Variants in RHAG observed in about 807,000 individuals in gnomAD.
RHAG encodes ammonium transporter Rh type A.
Under a neutral mutation model 42.4 loss-of-function variants are expected in RHAG, and 25 were observed. The observed-to-expected ratio is 0.59, with a 90% CI of 0.43 to 0.82. The LOEUF (loss-of-function observed/expected upper bound fraction) is 0.82, where lower values mean the gene tolerates loss of function less well. Among genes scored for constraint, RHAG ranks in the 40% least tolerant of loss-of-function variants. The pLI, the probability that RHAG is intolerant of heterozygous loss-of-function variation, is 0.00. For missense variants in RHAG, 483 were observed against 504.6 expected, an observed-to-expected ratio of 0.96 and a Z score of 0.41; for synonymous variants, 182 against 177.7, an observed-to-expected ratio of 1.02 and a Z score of -0.19.
At chr6:49,610,990 C>T in intron 7 of RHAG, 34 bp downstream of exon 7, 1 of 1,613,168 alleles carries the variant, frequency 6.2e-7, no homozygotes, top group Non-Finnish European at 8.5e-7. Context: ...CATCATGGGA[C>T]CACAGGGGCT....
chr6:49,630,098 C>T (rs1364598096), intron 1 of RHAG, among the ~76,000 whole-genome samples: 2 of 152,326 alleles, frequency 1.3e-5, no homozygotes, highest in Admixed American at 1.3e-4. Context: ...ACTGCCAGCA[C>T]GCTGTCACCT....
intron 3 of RHAG, among the ~76,000 whole-genome samples, chr6:49,617,593 A>C (rs991969395): frequency 6.6e-6 from 1 of 152,150 alleles, no homozygotes; most frequent in African/African-American, 2.4e-5. Context: ...AATGTTCTTT[A>C]TTTATTTATT....
intron 1 of RHAG, among the ~76,000 whole-genome samples, chr6:49,626,439 G>A (rs1353364686): frequency 1.3e-5 from 2 of 152,212 alleles, no homozygotes; most frequent in Non-Finnish European, 2.9e-5. Context: ...TTGCTTCCAT[G>A]TCTCACATCC....
intron 1 of RHAG, among the ~76,000 whole-genome samples, chr6:49,635,789 T>C (rs1272212071): frequency 6.6e-6 from 1 of 152,176 alleles, no homozygotes; most frequent in Non-Finnish European, 1.5e-5. Flanking sequence ...AAATTGTTTT[T>C]TAAAAAGCTT....
intron 5 of RHAG, among the ~76,000 whole-genome samples, chr6:49,613,961 T>C (rs748057038): frequency 6.6e-6 from 1 of 152,212 alleles, no homozygotes; most frequent in Non-Finnish European, 1.5e-5. Flanking sequence ...TTGAGAGGAA[T>C]GTTTGCAGTT....
intron 7 of RHAG, among the ~76,000 whole-genome samples, chr6:49,610,050 C>T (rs1435755399): frequency 1.3e-5 from 2 of 151,564 alleles, no homozygotes; most frequent in Admixed American, 1.3e-4. Context: ...AGGAGAACAT[C>T]ACACAGCCGG....
chr6:49,605,255 A>G lies in RHAG; in HGVS notation c.*558T>C, dbSNP rs1356352604. The G allele has an allele frequency of 6.4e-6, 1 of 155,210 alleles. No homozygotes were observed. Among genetic ancestry groups the G allele is most frequent in the East Asian group, 1.9e-4 (1 of 5,300 alleles). 9.6% of individuals were successfully genotyped at this position (155,210 alleles called of 1,614,324 possible). On this transcript the variant is annotated 3_prime_UTR_variant, in exon 10 of 10. Coordinates refer to ENST00000371175, the MANE Select transcript of RHAG (RefSeq NM_000324.3). ...TCAGATAGCATTTGAGCTCGTTGCA[A>G]ATAGTCAACATGCAAAAGGAATTAA...
intron 1 of RHAG, among the ~76,000 whole-genome samples, chr6:49,636,309 C>A (rs147862506): frequency 6.6e-6 from 1 of 152,116 alleles, no homozygotes; most frequent in South Asian, 2.1e-4. Flanking sequence ...TTACCTTTGG[C>A]CCTTTCAGTG....
chr6:49,636,362 T>A (rs1438899774), intron 1 of RHAG, among the ~76,000 whole-genome samples: 5 of 152,132 alleles, frequency 3.3e-5, no homozygotes, highest in African/African-American at 1.2e-4. Context: ...GCAGAACTAG[T>A]GACCAACTGA....
At chr6:49,626,974 C>T (rs549275429) in intron 1 of RHAG, among the ~76,000 whole-genome samples, 25 of 152,336 alleles carry the variant, frequency 1.6e-4, no homozygotes, top group Middle Eastern at 3.4e-3. Flanking sequence ...AGCACCATGT[C>T]GTGAGGTTGC....
intron 1 of RHAG, among the ~76,000 whole-genome samples, chr6:49,631,410 T>G (rs1762934483): frequency 6.6e-6 from 1 of 152,218 alleles, no homozygotes; most frequent in Non-Finnish European, 1.5e-5. Flanking sequence ...AAAGAAGAGC[T>G]TCCTCCTTCT....
intron 5 of RHAG, 135 bp from the exon 6 acceptor site, chr6:49,612,669 G>T: frequency 9.4e-7 from 1 of 1,065,906 alleles, no homozygotes; most frequent in Non-Finnish European, 1.4e-6. Context: ...TTTAAAAAGA[G>T]GTTTGTTTGG....
chr6:49,635,891 A>G (rs998623304), intron 1 of RHAG, among the ~76,000 whole-genome samples: 2 of 152,130 alleles, frequency 1.3e-5, no homozygotes, highest in Non-Finnish European at 2.9e-5. Context: ...AGAAAAGCAA[A>G]TAGTCTATAT....
Position 49,613,466 on chromosome 6 carries a change from C to T in RHAG, c.808-932G>A, listed in dbSNP as rs1249611236. Among the ~76,000 whole-genome samples the T allele has an allele frequency of 2.0e-5, 3 of 152,186 alleles. No homozygotes were observed. In the East Asian group the frequency reaches 5.8e-4, roughly 29 times the overall value. On this transcript the variant is annotated intron_variant, in intron 5 of 9. Coordinates refer to ENST00000371175, the MANE Select transcript of RHAG (RefSeq NM_000324.3). ...GTCATCAGTACTTTTAAAAGAGAAACACTGAACTGTGCGATTTTTCCTTTT... is the reference window on the plus strand; with the variant it reads ...GTCATCAGTACTTTTAAAAGAGAAATACTGAACTGTGCGATTTTTCCTTTT...
At chr6:49,632,581 G>A (rs1762949616) in intron 1 of RHAG, among the ~76,000 whole-genome samples, 1 of 152,068 alleles carries the variant, frequency 6.6e-6, no homozygotes, top group Non-Finnish European at 1.5e-5. Context: ...TGGAAGACCT[G>A]TATAAGTCAG....
At chr6:49,623,329 T>C (rs1762794674) in intron 1 of RHAG, among the ~76,000 whole-genome samples, 1 of 152,166 alleles carries the variant, frequency 6.6e-6, no homozygotes, top group African/African-American at 2.4e-5. Context: ...GTGTGAAATA[T>C]ACGAATAAAA....
chr6:49,615,619 C>T lies in RHAG; in HGVS notation c.640+5G>A. Reference sequence around the variant, plus strand: ...TAAGATTCAAGCAAGTTTATCCACACTCACCAATCATTGCAAACAAGTCTG... The same window carrying T: ...TAAGATTCAAGCAAGTTTATCCACATTCACCAATCATTGCAAACAAGTCTG... On this transcript the variant is annotated splice_donor_5th_base_variant and intron_variant, in intron 4 of 9. Coordinates refer to ENST00000371175, the MANE Select transcript of RHAG (RefSeq NM_000324.3). 4 of 1,614,078 alleles carry T rather than the reference C, an allele frequency of 2.5e-6. No individual in the cohort carries two copies. The highest frequency in any genetic ancestry group is 1.1e-5 in the South Asian group (1 of 91,086).
At chr6:49,623,098 A>G (rs1487465048) in intron 1 of RHAG, among the ~76,000 whole-genome samples, 1 of 151,976 alleles carries the variant, frequency 6.6e-6, no homozygotes, top group Admixed American at 6.6e-5. Context: ...TCGGCCTCCC[A>G]AAGTGCTGGG....
rs1023243799 is a variant in RHAG, at chr6:49,607,082, C to G, written c.1138+68G>C. 4.3e-6 allele frequency: 6 copies of G among 1,395,510 alleles called. No individual in the cohort carries two copies. The South Asian group carries it at 5.8e-5, about 14-fold the overall frequency. The allele number at this position is 1,395,510 out of a possible 1,614,324, so 86.4% of individuals were successfully genotyped here. A position where few individuals can be genotyped will look rare whatever the true frequency, so the allele number is the denominator to read the frequency against. On this transcript the variant is annotated intron_variant, in intron 8 of 9. Coordinates refer to ENST00000371175, the MANE Select transcript of RHAG (RefSeq NM_000324.3). ...TTTTGAATTTAGCAATTGACTTGCT[C>G]ATTAATTATCTATTGTAAATAATCT...
Sources: gnomAD v4.1 joint callset for allele counts (sites outside exome capture counted in the v4.1 genomes callset) on GRCh38, gnomAD v4.1.1 for gene constraint, MANE v1.5 for transcripts, NCBI Gene and HGNC (gene_info 2026-07-23, HGNC 2026-07-21) for gene names.